GLI4: variants seen among roughly 807,000 people sequenced by gnomAD.
The protein encoded by GLI4 is zinc finger protein GLI4.
GLI4 carries 34 observed loss-of-function variants against 30.9 expected under a neutral mutation model. The observed-to-expected ratio is 1.10, with a 90% CI of 0.84 to 1.47. The LOEUF is 1.47. Among genes scored for constraint, GLI4 ranks in the 40% most tolerant of loss-of-function variants. GLI4 has a pLI of 0.00. For synonymous variants in GLI4, 277 were observed against 236.7 expected, an observed-to-expected ratio of 1.17 and a Z score of -1.56; for missense variants, 696 against 538.9, an observed-to-expected ratio of 1.29 and a Z score of -2.89.
chr8:143,275,175 C>T, intron 3 of GLI4: 1 of 1,535,762 alleles, frequency 6.5e-7, no homozygotes, highest in South Asian at 1.2e-5. Flanking sequence ...TGTGTCCCCT[C>T]CTCCTCCTGC....
intron 3 of GLI4, chr8:143,275,100 C>G: frequency 6.5e-7 from 1 of 1,535,762 alleles, no homozygotes; most frequent in Non-Finnish European, 8.7e-7. Flanking sequence ...CCCTCCCCTC[C>G]ACCTGCCTTG....
Position 143,276,867 on chromosome 8 carries a change from C to T in GLI4, c.*63C>T, listed in dbSNP as rs1815403793. 3.9e-6 allele frequency: 4 copies of T among 1,030,692 alleles called. No homozygotes were observed. Among genetic ancestry groups the T allele is most frequent in the East Asian group, 5.2e-5 (2 of 38,518 alleles). The allele number at this position is 1,030,692 out of a possible 1,614,324, so 63.8% of individuals were successfully genotyped here. A position where few individuals can be genotyped will look rare whatever the true frequency, so the allele number is the denominator to read the frequency against. On this transcript the variant is annotated 3_prime_UTR_variant, in exon 4 of 4. Coordinates refer to ENST00000340042, the MANE Select transcript of GLI4 (RefSeq NM_138465.4). ...CCAACCCACCCTCCACCCCGTCCCC[C>T]ACGGTGGGCACTGCCCAGCACCGCA... is the stretch of plus-strand genomic sequence containing the variant.
In GLI4 at chr8:143,276,348, C is replaced by G. The variant is rs768516465; in HGVS notation, c.675C>G (p.Gly225=). 19 of 1,607,762 alleles carry G rather than the reference C, an allele frequency of 1.2e-5. No individual in the cohort carries two copies. The highest frequency in any genetic ancestry group is 2.7e-5 in the African/African-American group (2 of 73,616). Residue 225 remains glycine (G), a synonymous_variant, in exon 4 of 4, where the codon GGC becomes GGG. Transcript: ENST00000340042. ...ECGKRFRGWS[G]FIQHHRIHTG... is the part of the protein sequence containing the mutation. ...GCAAGCGCTTCCGCGGCTGGTCGGGCTTCATCCAGCACCACCGCATCCACA... is the reference window on the plus strand; with the variant it reads ...GCAAGCGCTTCCGCGGCTGGTCGGGGTTCATCCAGCACCACCGCATCCACA...
chr8:143,274,551 A>T, intron 2 of GLI4, 153 bp from the exon 3 acceptor site: 1 of 623,226 alleles, frequency 1.6e-6, no homozygotes, highest in Non-Finnish European at 2.5e-6. Flanking sequence ...ATTCGTGGCT[A>T]GAGAAGCCCA....
chr8:143,276,115 G>A lies in GLI4; in HGVS notation c.442G>A (p.Val148Met), dbSNP rs910188678. 1.9e-5 allele frequency: 28 copies of A among 1,504,490 alleles called. 1 individual carries two copies. In the African/African-American group the frequency reaches 2.3e-4, roughly 12 times the overall value. 93.2% of individuals were successfully genotyped at this position (1,504,490 alleles called of 1,614,324 possible). The change falls in exon 4 of 4, where the codon GTG (valine) becomes ATG (methionine). Residue 148 changes from valine to methionine, a missense_variant. Coordinates refer to ENST00000340042, the MANE Select transcript of GLI4 (RefSeq NM_138465.4). The stretch of plus-strand genomic sequence containing the variant: ...GCGGGGCGCCTGGCGCGTGACGCTC[G>A]TGCAGCAAGCAGCGGCCGGGCCCGA... ...QPRGAWRVTLVQQAAAGPEGA... is the reference protein window; with the variant it reads ...QPRGAWRVTLMQQAAAGPEGA...
Position 143,276,893 on chromosome 8 carries a change from T to C in GLI4, c.*89T>C. 1.3e-6 allele frequency: 1 copy of C among 791,326 alleles called. No individual in the cohort carries two copies. The highest frequency in any genetic ancestry group is 2.0e-6 in the Non-Finnish European group (1 of 510,070). The allele number at this position is 791,326 out of a possible 1,614,324, so 49.0% of individuals were successfully genotyped here. On this transcript the variant is annotated 3_prime_UTR_variant, in exon 4 of 4. Transcript: ENST00000340042. Reference sequence around the variant, plus strand: ...ACGGTGGGCACTGCCCAGCACCGCATGCCACGTGTCCGGAATAAATTCTTT... The same window carrying C: ...ACGGTGGGCACTGCCCAGCACCGCACGCCACGTGTCCGGAATAAATTCTTT...
chr8:143,269,919 A>G (rs1815227995), intron 2 of GLI4, among the ~76,000 whole-genome samples: 1 of 152,182 alleles, frequency 6.6e-6, no homozygotes, highest in African/African-American at 2.4e-5. Flanking sequence ...TTTGGGTGTG[A>G]TCCCCCGGGA....
Position 143,276,672 on chromosome 8 carries a change from C to T in GLI4, c.999C>T (p.Arg333=). Residue 333 remains arginine, a synonymous_variant, in exon 4 of 4, where the codon CGC becomes CGT. Transcript: ENST00000340042. ...GCTCCGACTGCGGCAAAGCCTTCCG[C>T]GGCCGCTCGCACTTCTTCCGGCACC... ...YECSDCGKAF[R]GRSHFFRHLR... 1 of 1,611,550 alleles carries T rather than the reference C, an allele frequency of 6.2e-7. No homozygotes were observed.
intron 2 of GLI4, among the ~76,000 whole-genome samples, chr8:143,270,116 C>T (rs1210310408): frequency 1.3e-5 from 2 of 152,266 alleles, no homozygotes; most frequent in Non-Finnish European, 2.9e-5. Flanking sequence ...GGCCTGGCCT[C>T]GGCCCTCGTG....
At chr8:143,267,897 C>T in intron 1 of GLI4, 2 of 985,456 alleles carry the variant, frequency 2.0e-6, no homozygotes, top group Non-Finnish European at 2.4e-6. Context: ...GGTCCGCTCC[C>T]ACGGGGCTGG....
At chr8:143,274,546 T>C in intron 2 of GLI4, 158 bp from the exon 3 acceptor site, 1 of 592,928 alleles carries the variant, frequency 1.7e-6, no homozygotes, top group Non-Finnish European at 2.7e-6. Flanking sequence ...AGGGCATTCG[T>C]GGCTAGAGAA....
At chr8:143,275,620 T>TGGCTCCGTGCACCGGCACG in intron 3 of GLI4, 9 of 1,235,366 alleles carry the variant, frequency 7.3e-6, no homozygotes, top group Non-Finnish European at 8.1e-6. Context: ...CTTGCCACTG[T>TGGCTCCGTGCACCGGCACG]GGCTCCGTGC....
At chr8:143,271,795 C>G (rs550522246) in intron 2 of GLI4, among the ~76,000 whole-genome samples, 14 of 152,294 alleles carry the variant, frequency 9.2e-5, no homozygotes, top group Admixed American at 3.3e-4. Flanking sequence ...GGGTAAGGTT[C>G]TCTGCGGTGG....
At chr8:143,274,857 C>G in intron 3 of GLI4, 55 bp downstream of exon 3, 2 of 1,516,144 alleles carry the variant, frequency 1.3e-6, no homozygotes, top group South Asian at 1.2e-5. Flanking sequence ...GTGCCAGGCT[C>G]CTCACAATGC....
At chr8:143,275,472 A>G (rs1302252709) in intron 3 of GLI4, 2 of 1,353,760 alleles carry the variant, frequency 1.5e-6, no homozygotes, top group Non-Finnish European at 1.9e-6. Flanking sequence ...GGGCAGCCCC[A>G]TGAGGAGCTG....
At chr8:143,274,532 G>A in intron 2 of GLI4, 172 bp from the exon 3 acceptor site, 1 of 525,470 alleles carries the variant, frequency 1.9e-6, no homozygotes, top group Non-Finnish European at 3.2e-6. Flanking sequence ...GGGAAGGAAG[G>A]TAAAGGGCAT....
Position 143,276,581 on chromosome 8 carries a change from C to CCTT in GLI4, c.910_912dup (p.Phe304dup). 1 of 1,609,546 alleles carries CCTT rather than the reference C, an allele frequency of 6.2e-7. No homozygotes were observed. The highest frequency in any genetic ancestry group is 8.5e-7 in the Non-Finnish European group (1 of 1,178,644). On this transcript the variant is annotated inframe_insertion, in exon 4 of 4. Coordinates refer to ENST00000340042, the MANE Select transcript of GLI4 (RefSeq NM_138465.4). ...TACGCCTGCAGCCAGTGCGGCAAGG[C>CCTT]CTTCATCTGGAGCTCCGTGCTCATC...
At chr8:143,274,377 CCACAGCCCACCAA>C in intron 2 of GLI4, 1 of 208,488 alleles carries the variant, frequency 4.8e-6, no homozygotes. Flanking sequence ...GGAGGGTGGG[CCACAGCCCACCAA>C]GGTGACAAAG....
intron 1 of GLI4, among the ~76,000 whole-genome samples, chr8:143,268,829 G>T (rs1234346001): frequency 3.5e-5 from 1 of 28,548 alleles, no homozygotes; most frequent in African/African-American, 8.8e-5. Flanking sequence ...CTTCCAAGGC[G>T]TTACTCCTTT....
Sources: allele counts gnomAD v4.1 joint callset (sites outside exome capture counted in the v4.1 genomes callset), GRCh38; gene constraint gnomAD v4.1.1; transcripts MANE v1.5; gene names NCBI Gene and HGNC (gene_info 2026-07-23, HGNC 2026-07-21).